The following SYCP1 variants were observed in gnomAD, a reference collection of about 807,000 sequenced individuals.
SYCP1 encodes synaptonemal complex protein 1.
A neutral mutation model predicts 153.1 loss-of-function variants in SYCP1; 64 were observed. That is an observed-to-expected ratio of 0.42 (90% CI 0.34 to 0.51). The LOEUF is 0.51. SYCP1 is among the 20% of genes least tolerant of loss of function. SYCP1 has a pLI of 0.06. For synonymous variants in SYCP1, 384 were observed against 341.8 expected, an observed-to-expected ratio of 1.12 and a Z score of -1.36; for missense variants, 997 against 1,049.0, an observed-to-expected ratio of 0.95 and a Z score of 0.68.
intron 27 of SYCP1, among the ~76,000 whole-genome samples, chr1:114,962,136 C>A (rs1671822789): frequency 6.6e-6 from 1 of 152,062 alleles, no homozygotes; most frequent in South Asian, 2.1e-4. Context: ...GCAGCCGGCA[C>A]AACACCCAGC....
chr1:114,907,525 T>C (rs539036603), intron 16 of SYCP1, among the ~76,000 whole-genome samples: 1 of 152,170 alleles, frequency 6.6e-6, no homozygotes, highest in African/African-American at 2.4e-5. Context: ...ACAGCATGTA[T>C]CCATTACCTT....
chr1:114,931,860 A>G, intron 23 of SYCP1, among the ~76,000 whole-genome samples: 1 of 152,186 alleles, frequency 6.6e-6, no homozygotes, highest in East Asian at 1.9e-4. Flanking sequence ...TATTTTTAAG[A>G]TAGACAAAGA....
chr1:114,985,335 A>AT, intron 30 of SYCP1, among the ~76,000 whole-genome samples: 1 of 152,086 alleles, frequency 6.6e-6, no homozygotes, highest in East Asian at 1.9e-4. Flanking sequence ...ATCACTCTAA[A>AT]GAAGTTAATG....
intron 15 of SYCP1, among the ~76,000 whole-genome samples, chr1:114,888,528 A>G (rs1666467158): frequency 6.6e-6 from 1 of 151,902 alleles, no homozygotes; most frequent in African/African-American, 2.4e-5. Context: ...GTGAGGCTTA[A>G]TTTTCCACTA....
intron 8 of SYCP1, among the ~76,000 whole-genome samples, chr1:114,871,773 A>T (rs1025854003): frequency 6.6e-5 from 10 of 151,768 alleles, no homozygotes; most frequent in Admixed American, 5.9e-4. Context: ...TTTAGTAGAG[A>T]TGGATTTTCG....
chr1:114,977,209 T>G (rs1031408030), intron 27 of SYCP1, among the ~76,000 whole-genome samples: 2 of 151,824 alleles, frequency 1.3e-5, no homozygotes, highest in African/African-American at 2.4e-5. Flanking sequence ...TAGATCTTTT[T>G]GCAACTTTTC....
chr1:114,857,315 GT>G, intron 4 of SYCP1, 40 bp downstream of exon 4: 1 of 1,582,732 alleles, frequency 6.3e-7, no homozygotes. Flanking sequence ...ATCTGTTTAG[GT>G]AATGAACTGC....
At position 114,882,889 on chromosome 1, in the gene SYCP1, C is replaced by A. The variant is rs78950060; in HGVS notation, c.911-2646C>A. Among the ~76,000 whole-genome samples the A allele has an allele frequency of 1.3e-3, 191 of 152,270 alleles. 8 individuals are homozygous for A. The East Asian group carries it at 0.032, about 25-fold the overall frequency. ...GTGAGTTGGTTTACTTTTGTTTGCT[C>A]CTTACATCAAAACTGTCCCGGCTTA... On this transcript the variant is annotated intron_variant, in intron 12 of 31. Transcript: ENST00000369522.
chr1:114,857,315 G>C (rs750023610), intron 4 of SYCP1, 40 bp downstream of exon 4: 1 of 1,582,732 alleles, frequency 6.3e-7, no homozygotes, highest in East Asian at 2.2e-5. Flanking sequence ...ATCTGTTTAG[G>C]TAATGAACTG....
chr1:114,958,021 A>G (rs1176099743), intron 27 of SYCP1, among the ~76,000 whole-genome samples: 2 of 152,248 alleles, frequency 1.3e-5, no homozygotes, highest in South Asian at 2.1e-4. Context: ...TTGCCAAAAT[A>G]TGGAATCAAC....
rs142129523 is a variant in SYCP1, at chr1:114,886,241, G to T, written c.1122G>T (p.Ser374=). The change falls in exon 14 of 32, where the codon TCG becomes TCT. Residue 374 remains serine, a synonymous_variant. Coordinates refer to ENST00000369522, the MANE Select transcript of SYCP1 (RefSeq NM_003176.4). ...EESNKARAAH[S]FVVTEFETTV... is the part of the protein sequence containing the mutation. ...CTAATAAAGCTAGAGCTGCTCATTC[G>T]TTTGTGGTTACTGAATTTGAAACTA... The T allele has an allele frequency of 3.1e-6, 5 of 1,608,708 alleles. No individual in the cohort carries two copies. The East Asian group carries it at 9.0e-5, about 29-fold the overall frequency.
intron 29 of SYCP1, among the ~76,000 whole-genome samples, 185 bp downstream of exon 29, chr1:114,981,697 A>T (rs1415598396): frequency 6.6e-6 from 1 of 151,968 alleles, no homozygotes; most frequent in Non-Finnish European, 1.5e-5. Flanking sequence ...GATGGTCTTG[A>T]ACTCCTGGCC....
At chr1:114,991,741 GA>G (rs1673937447) in intron 30 of SYCP1, among the ~76,000 whole-genome samples, 1 of 151,686 alleles carries the variant, frequency 6.6e-6, no homozygotes, top group Non-Finnish European at 1.5e-5. Flanking sequence ...CTAATATTAA[GA>G]ATGAGGCAGG....
intron 13 of SYCP1, 136 bp downstream of exon 13, chr1:114,885,765 A>G: frequency 1.8e-6 from 1 of 562,610 alleles, no homozygotes; most frequent in Non-Finnish European, 3.1e-6. Flanking sequence ...CTAGTCTGCA[A>G]AATGCTATAG....
chr1:114,928,310 A>T (rs1016884696), intron 23 of SYCP1, among the ~76,000 whole-genome samples: 4 of 152,164 alleles, frequency 2.6e-5, no homozygotes, highest in African/African-American at 9.6e-5. Flanking sequence ...AAAAAATGTC[A>T]CATTGCACAA....
chr1:114,883,937 C>G (rs1470457441), intron 12 of SYCP1, among the ~76,000 whole-genome samples: 1 of 152,106 alleles, frequency 6.6e-6, no homozygotes, highest in Non-Finnish European at 1.5e-5. Flanking sequence ...ATGATCCACC[C>G]GCCTCGGCCT....
intron 20 of SYCP1, among the ~76,000 whole-genome samples, chr1:114,914,434 C>G (rs1668388565): frequency 6.6e-6 from 1 of 150,862 alleles, no homozygotes; most frequent in African/African-American, 2.4e-5. Flanking sequence ...AAAAAATTAT[C>G]TTTATTTAGG....
At chr1:114,974,533 C>A (rs1457537751) in intron 27 of SYCP1, among the ~76,000 whole-genome samples, 1 of 151,754 alleles carries the variant, frequency 6.6e-6, no homozygotes, top group Non-Finnish European at 1.5e-5. Flanking sequence ...TGGCAACCAC[C>A]TTTGCACATC....
chr1:114,973,719 G>T (rs1002505288), intron 27 of SYCP1, among the ~76,000 whole-genome samples: 5 of 151,728 alleles, frequency 3.3e-5, no homozygotes, highest in South Asian at 4.2e-4. Flanking sequence ...TTGCTTTTTT[G>T]TTGTTGTTGT....
Sources: gnomAD v4.1 joint callset for allele counts (sites outside exome capture counted in the v4.1 genomes callset) on GRCh38, gnomAD v4.1.1 for gene constraint, MANE v1.5 for transcripts, NCBI Gene and HGNC (gene_info 2026-07-23, HGNC 2026-07-21) for gene names.